The following DSCAML1 variants were observed in gnomAD, a reference collection of about 807,000 sequenced individuals.
DSCAML1 encodes cell adhesion molecule DSCAML1.
In DSCAML1, 38 loss-of-function variants were observed where a neutral mutation model predicts 200.5. The ratio of observed to expected loss-of-function variants is 0.19; its 90% CI spans 0.15 to 0.25. DSCAML1 has a LOEUF of 0.25. DSCAML1 is among the 10% of genes least tolerant of loss of function. DSCAML1 has a pLI of 1.00. For missense variants in DSCAML1, 2,223 were observed against 2,858.8 expected (o/e 0.78, Z 5.07); for synonymous variants, 1,215 against 1,165.0 (o/e 1.04, Z -0.87).
At chr11:117,546,253 T>C (rs1055129782) in intron 3 of DSCAML1, among the ~76,000 whole-genome samples, 1 of 152,192 alleles carries the variant, frequency 6.6e-6, no homozygotes, top group Non-Finnish European at 1.5e-5. Context: ...AACCCAGCTC[T>C]GCAGTCAGAA....
chr11:117,812,664 C>G (rs1032815181), intron 1 of DSCAML1, among the ~76,000 whole-genome samples: 19 of 151,762 alleles, frequency 1.3e-4, no homozygotes, highest in Middle Eastern at 3.4e-3. Context: ...TTACTTCAGT[C>G]AAGCCCAAAT....
At chr11:117,550,838 C>T (rs1468815607) in intron 3 of DSCAML1, among the ~76,000 whole-genome samples, 1 of 152,260 alleles carries the variant, frequency 6.6e-6, no homozygotes, top group Non-Finnish European at 1.5e-5. Flanking sequence ...CTCACCTCTT[C>T]TGACTCTGGC....
intron 3 of DSCAML1, among the ~76,000 whole-genome samples, chr11:117,549,329 G>A (rs940826061): frequency 1.8e-4 from 28 of 152,214 alleles, no homozygotes; most frequent in African/African-American, 6.3e-4. Flanking sequence ...ACTGCTCTGG[G>A]CTCAGTTTCA....
At chr11:117,496,243 G>A (rs1382581454) in intron 11 of DSCAML1, among the ~76,000 whole-genome samples, 1 of 152,180 alleles carries the variant, frequency 6.6e-6, no homozygotes, top group Admixed American at 6.5e-5. Flanking sequence ...GTTCCTGGAG[G>A]GCAGGGAGGG....
At chr11:117,749,841 G>GA (rs1212100784) in intron 3 of DSCAML1, among the ~76,000 whole-genome samples, 1 of 152,256 alleles carries the variant, frequency 6.6e-6, no homozygotes, top group Non-Finnish European at 1.5e-5. Flanking sequence ...CTGGGAGCGG[G>GA]ACCTGTGTTA....
At chr11:117,643,291 G>C (rs1456387384) in intron 3 of DSCAML1, among the ~76,000 whole-genome samples, 1 of 152,128 alleles carries the variant, frequency 6.6e-6, no homozygotes, top group Non-Finnish European at 1.5e-5. Context: ...CTGGGATGGA[G>C]AACTGAAGAA....
intron 21 of DSCAML1, among the ~76,000 whole-genome samples, chr11:117,443,660 C>T (rs574740190): frequency 1.3e-5 from 2 of 152,318 alleles, no homozygotes; most frequent in African/African-American, 4.8e-5. Context: ...CCTGTCCACC[C>T]GCCCCAGGCA....
intron 3 of DSCAML1, among the ~76,000 whole-genome samples, chr11:117,567,091 C>A (rs2050772177): frequency 6.6e-6 from 1 of 152,160 alleles, no homozygotes; most frequent in Non-Finnish European, 1.5e-5. Flanking sequence ...TGGGTATATA[C>A]CCAGTAATGG....
chr11:117,506,832 C>T (rs1315576349), intron 8 of DSCAML1, among the ~76,000 whole-genome samples: 1 of 152,158 alleles, frequency 6.6e-6, no homozygotes. Context: ...CAGGCAAGAG[C>T]CACCACACCA....
chr11:117,432,649 C>G, intron 29 of DSCAML1, 145 bp from the exon 30 acceptor site: 1 of 924,430 alleles, frequency 1.1e-6, no homozygotes, highest in Non-Finnish European at 1.6e-6. Context: ...CAGGGTCTCA[C>G]TCTGTTGCCC....
chr11:117,528,983 A>C (rs1273992639), intron 4 of DSCAML1, among the ~76,000 whole-genome samples: 1 of 150,384 alleles, frequency 6.6e-6, no homozygotes, highest in African/African-American at 2.4e-5. Flanking sequence ...ACAGCAGAAC[A>C]ACCACCACTG....
At chr11:117,720,978 A>T (rs985044723) in intron 3 of DSCAML1, among the ~76,000 whole-genome samples, 1 of 152,216 alleles carries the variant, frequency 6.6e-6, no homozygotes, top group African/African-American at 2.4e-5. Flanking sequence ...CCCTCTCATA[A>T]GCAATCTTGT....
Position 117,437,352 on chromosome 11 carries a change from CG to C in DSCAML1, c.4489del (p.Arg1497GlyfsTer42). 1 of 1,614,184 alleles carries C rather than the reference CG, an allele frequency of 6.2e-7. No individual in the cohort carries two copies. Among genetic ancestry groups the C allele is most frequent in the Non-Finnish European group, 8.5e-7 (1 of 1,180,036 alleles). ...ATTGTTCCAGCCCTGCAGGTTAAGC[CG>C]AGCATGCGTGGAGTTGATGTGGGTG... is the stretch of plus-strand genomic sequence containing the variant. ...LFTHINSTHA[R>X]LNLQGWNNGG... On this transcript the variant is annotated frameshift_variant, in exon 26 of 33. Coordinates refer to ENST00000651296, the MANE Select transcript of DSCAML1 (RefSeq NM_020693.4). LOFTEE classifies it high-confidence loss of function. This position sits in a 1 kb window ranked among gnomAD's most constrained non-coding sequence, Gnocchi z 5.3.
chr11:117,772,868 G>A (rs984985580), intron 3 of DSCAML1, among the ~76,000 whole-genome samples: 2 of 152,202 alleles, frequency 1.3e-5, no homozygotes, highest in Admixed American at 6.5e-5. Context: ...GCAAGGGTGG[G>A]AGTCTGCCAG....
chr11:117,529,372 C>T (rs1247327760), intron 4 of DSCAML1, among the ~76,000 whole-genome samples: 4 of 152,204 alleles, frequency 2.6e-5, no homozygotes, highest in African/African-American at 4.8e-5. Flanking sequence ...ATCACCACGC[C>T]TGGCCTTTCT....
chr11:117,678,802 C>A (rs1426027403), intron 3 of DSCAML1, among the ~76,000 whole-genome samples: 4 of 152,202 alleles, frequency 2.6e-5, no homozygotes, highest in Non-Finnish European at 4.4e-5. Flanking sequence ...AGGAGCAGGG[C>A]GTAGGGCCAG....
At chr11:117,468,306 TA>T (rs35703349) in intron 16 of DSCAML1, among the ~76,000 whole-genome samples, 43,776 of 149,250 alleles carry the variant, frequency 0.29, 7,883 homozygotes, top group East Asian at 0.55. Context: ...TTCTCAATGT[TA>T]AAAAAAAAAA....
intron 3 of DSCAML1, among the ~76,000 whole-genome samples, chr11:117,654,591 T>A (rs2052697030): frequency 6.6e-6 from 1 of 152,122 alleles, no homozygotes; most frequent in Non-Finnish European, 1.5e-5. Context: ...GCACATGGAA[T>A]CGGAACAGAG....
intron 11 of DSCAML1, among the ~76,000 whole-genome samples, chr11:117,495,615 T>C (rs1432412653): frequency 3.3e-5 from 5 of 152,136 alleles, no homozygotes; most frequent in Non-Finnish European, 7.4e-5. Context: ...CACACAGCTC[T>C]AGGGAGGATC....
Sources: gnomAD v4.1 joint callset for allele counts (sites outside exome capture counted in the v4.1 genomes callset) on GRCh38, gnomAD v4.1.1 for gene constraint, Gnocchi (gnomAD v3.1) non-coding constraint, MANE v1.5 for transcripts, NCBI Gene and HGNC (gene_info 2026-07-23, HGNC 2026-07-21) for gene names.